SOX5: variants seen among roughly 807,000 people sequenced by gnomAD.
SOX5 encodes transcription factor SOX-5.
SOX5 carries 9 observed loss-of-function variants against 92.0 expected under a neutral mutation model. That is an observed-to-expected ratio of 0.10 (90% CI 0.06 to 0.17). The LOEUF (loss-of-function observed/expected upper bound fraction) is 0.17. Among genes scored for constraint, SOX5 ranks in the 10% least tolerant of loss-of-function variants. The probability of loss-of-function intolerance (pLI) is 1.00; values close to 1 mark genes in which losing one functional copy is unlikely to be tolerated. For synonymous variants in SOX5, 344 were observed against 336.3 expected (o/e 1.02, Z -0.25); for missense variants, 642 against 944.5 (o/e 0.68, Z 4.20).
At chr12:23,898,106 G>A (rs1242130968) in intron 1 of SOX5, among the ~76,000 whole-genome samples, 2 of 152,202 alleles carry the variant, frequency 1.3e-5, no homozygotes, top group East Asian at 1.9e-4. Context: ...GTTCTGATTC[G>A]ATGTTCTACA....
intron 1 of SOX5, among the ~76,000 whole-genome samples, chr12:24,541,626 AATTTT>A (rs1186000987): frequency 6.6e-6 from 1 of 152,210 alleles, no homozygotes; most frequent in Non-Finnish European, 1.5e-5. Context: ...TTTCATGGTT[AATTTT>A]TAGACTCACA....
intron 6 of SOX5, among the ~76,000 whole-genome samples, chr12:23,691,490 T>C (rs1178413450): frequency 6.6e-6 from 1 of 152,172 alleles, no homozygotes; most frequent in Non-Finnish European, 1.5e-5. Context: ...CTTTAGAAAC[T>C]AAAATTTCCT....
Position 23,851,100 on chromosome 12 carries a change from T to TCAAG in SOX5, c.271-4911_271-4908dup, listed in dbSNP as rs540730509. ...CTTGCAAAAGAAAAAAAAAACCTTA[T>TCAAG]CAAGATAAAAGTTTACCCCTTATCA... On this transcript the variant is annotated intron_variant, in intron 2 of 14. Transcript: ENST00000451604. 2.1e-4 allele frequency among the ~76,000 whole-genome samples: 32 copies of TCAAG among 152,108 alleles called. No individual in the cohort carries two copies. The South Asian group carries it at 6.2e-3, about 30-fold the overall frequency.
intron 4 of SOX5, among the ~76,000 whole-genome samples, chr12:24,142,086 C>T (rs908734889): frequency 2.0e-5 from 3 of 152,100 alleles, no homozygotes; most frequent in East Asian, 1.9e-4. Flanking sequence ...GAAAATTTCT[C>T]CTTTTTCTGC....
chr12:24,454,960 G>C (rs1245007886), intron 1 of SOX5, among the ~76,000 whole-genome samples: 1 of 152,134 alleles, frequency 6.6e-6, no homozygotes, highest in Non-Finnish European at 1.5e-5. Context: ...ATTATATGCT[G>C]TTTGACATCC....
Position 23,783,813 on chromosome 12 carries a change from C to T in SOX5, c.482-28089G>A, listed in dbSNP as rs146550094. On this transcript the variant is annotated intron_variant, in intron 3 of 14. Coordinates refer to ENST00000451604, the MANE Select transcript of SOX5 (RefSeq NM_006940.6). ...GGCTCCAAAGAGGCCACCACTAAAGCGCATTTCCTCCACATGCAACAAATA... is the reference window on the plus strand; with the variant it reads ...GGCTCCAAAGAGGCCACCACTAAAGTGCATTTCCTCCACATGCAACAAATA... 4.2e-4 allele frequency among the ~76,000 whole-genome samples: 64 copies of T among 152,242 alleles called. 2 individuals are homozygous for T. The East Asian group carries it at 8.7e-3, about 21-fold the overall frequency.
intron 3 of SOX5, among the ~76,000 whole-genome samples, chr12:24,269,523 C>A (rs549417308): frequency 1.1e-4 from 16 of 152,080 alleles, no homozygotes; most frequent in Admixed American, 9.2e-4. Flanking sequence ...TTCAACTAAG[C>A]CTTTTTGTGA....
At chr12:23,928,201 T>C (rs546878100) in intron 1 of SOX5, among the ~76,000 whole-genome samples, 8 of 152,056 alleles carry the variant, frequency 5.3e-5, no homozygotes, top group African/African-American at 1.4e-4. Flanking sequence ...TAGGGCTAGG[T>C]ACCAGGAAAA....
chr12:23,705,725 C>A (rs974057896), intron 6 of SOX5, among the ~76,000 whole-genome samples: 1 of 152,028 alleles, frequency 6.6e-6, no homozygotes, highest in African/African-American at 2.4e-5. Flanking sequence ...ATGAATGAAC[C>A]TGTTGGTAAC....
At chr12:24,148,890 T>C (rs1951381935) in intron 4 of SOX5, among the ~76,000 whole-genome samples, 1 of 148,014 alleles carries the variant, frequency 6.8e-6, no homozygotes, top group African/African-American at 2.5e-5. Flanking sequence ...AGGGAGACTG[T>C]CTCTAAAAAT....
chr12:23,599,416 T>C (rs1002114463), intron 9 of SOX5, among the ~76,000 whole-genome samples: 12 of 152,202 alleles, frequency 7.9e-5, no homozygotes, highest in African/African-American at 2.9e-4. Context: ...GAACAAAAAA[T>C]TGATTCGGAC....
intron 4 of SOX5, among the ~76,000 whole-genome samples, chr12:24,111,077 C>A (rs866919033): frequency 6.6e-6 from 1 of 152,092 alleles, no homozygotes; most frequent in Middle Eastern, 3.4e-3. Flanking sequence ...ATAGCAGCAT[C>A]TCTGGCCTCT....
intron 1 of SOX5, among the ~76,000 whole-genome samples, chr12:23,910,139 G>C (rs2097335821): frequency 6.6e-6 from 1 of 151,986 alleles, no homozygotes; most frequent in Non-Finnish European, 1.5e-5. Context: ...TTTCAAGATA[G>C]TTATTTATGC....
In SOX5 at chr12:23,779,782, GATT is replaced by G. The variant is rs1373606654; in HGVS notation, c.482-24061_482-24059del. ...TATTTCTTGAATCTTCAATTTCACA[GATT>G]AAAATATATATATATATATATATAT... On this transcript the variant is annotated intron_variant, in intron 3 of 14. Transcript: ENST00000451604. 1.7e-4 allele frequency among the ~76,000 whole-genome samples: 16 copies of G among 94,906 alleles called. No individual in the cohort carries two copies. The Admixed American group carries it at 1.8e-3, about 11-fold the overall frequency. The allele number at this position is 94,906 out of a possible 152,430, so 62.3% of individuals were successfully genotyped here. A position where few individuals can be genotyped will look rare whatever the true frequency, so the allele number is the denominator to read the frequency against.
At chr12:24,149,034 A>G (rs1951397992) in intron 4 of SOX5, among the ~76,000 whole-genome samples, 1 of 152,158 alleles carries the variant, frequency 6.6e-6, no homozygotes, top group African/African-American at 2.4e-5. Context: ...TTCATAAGGA[A>G]AAATAAAAAC....
chr12:24,100,822 A>G (rs1056825308), intron 4 of SOX5, among the ~76,000 whole-genome samples: 4 of 152,054 alleles, frequency 2.6e-5, no homozygotes, highest in Admixed American at 6.6e-5. Flanking sequence ...TGTCATCTAC[A>G]TATGTCTAGA....
intron 3 of SOX5, among the ~76,000 whole-genome samples, chr12:23,793,370 A>G (rs1374959560): frequency 6.6e-6 from 1 of 152,330 alleles, no homozygotes; most frequent in South Asian, 2.1e-4. Context: ...ATTAGCCAAA[A>G]GTAGCTTATA....
chr12:24,407,683 G>A (rs1366013082), intron 1 of SOX5: 3 of 152,222 alleles, frequency 2.0e-5, no homozygotes, highest in Non-Finnish European at 4.4e-5. Context: ...AATAAGCTGA[G>A]TGTGACAGAA....
chr12:24,280,486 C>T (rs985640534), intron 2 of SOX5, among the ~76,000 whole-genome samples: 4 of 151,952 alleles, frequency 2.6e-5, no homozygotes, highest in Admixed American at 2.6e-4. Flanking sequence ...TAAAAACAAA[C>T]ACAGCTTTCA....
Sources: gnomAD v4.1 joint callset for allele counts (sites outside exome capture counted in the v4.1 genomes callset) on GRCh38, gnomAD v4.1.1 for gene constraint, MANE v1.5 for transcripts, NCBI Gene and HGNC (gene_info 2026-07-23, HGNC 2026-07-21) for gene names.